STK10: variants seen among roughly 807,000 people sequenced by gnomAD.
STK10 encodes serine/threonine-protein kinase 10.
A neutral mutation model predicts 113.8 loss-of-function variants in STK10; 78 were observed. The observed-to-expected ratio is 0.69, with a 90% confidence interval of 0.57 to 0.83. The LOEUF (loss-of-function observed/expected upper bound fraction) is 0.83. STK10 is among the 40% of genes least tolerant of loss of function. STK10 has a pLI of 0.00. For synonymous variants in STK10, 465 were observed against 494.7 expected (o/e 0.94, Z 0.80); for missense variants, 1,109 against 1,280.1 (o/e 0.87, Z 2.04).
chr5:172,168,818 G>A (rs995069407), intron 1 of STK10, among the ~76,000 whole-genome samples: 16 of 151,972 alleles, frequency 1.1e-4, no homozygotes, highest in Admixed American at 9.2e-4. Context: ...TCATGCCAGG[G>A]GTCTCCCGCC....
chr5:172,157,072 A>C (rs181630811), intron 1 of STK10, among the ~76,000 whole-genome samples: 5 of 152,248 alleles, frequency 3.3e-5, no homozygotes, highest in African/African-American at 1.2e-4. Flanking sequence ...AAAAACGAAG[A>C]AAAAAACCCA....
intron 2 of STK10, among the ~76,000 whole-genome samples, chr5:172,140,712 A>G (rs1769955425): frequency 6.6e-6 from 1 of 152,078 alleles, no homozygotes; most frequent in African/African-American, 2.4e-5. Flanking sequence ...TAAATAAATA[A>G]ATAATAAAAA....
chr5:172,092,512 G>C (rs1242695740), intron 9 of STK10: 1 of 152,180 alleles, frequency 6.6e-6, no homozygotes, highest in African/African-American at 2.4e-5. Context: ...CAGCTGCTGT[G>C]CATGCTTGTC....
rs113849705 is a variant in STK10, at chr5:172,174,493, C to T, written c.156+13394G>A. On this transcript the variant is annotated intron_variant, in intron 1 of 18. Coordinates refer to ENST00000176763, the MANE Select transcript of STK10 (RefSeq NM_005990.4). ...ACGCCTGCAGCTCAGCAGTTATGAA[C>T]TGAACATCTACCCTCCGCGGGCCCT... Among the ~76,000 whole-genome samples the T allele has an allele frequency of 3.3e-3, 504 of 152,232 alleles. 5 individuals are homozygous for T. The highest frequency in any genetic ancestry group is 0.02 in the Middle Eastern group (6 of 294).
At chr5:172,079,453 G>C (rs1768381791) in intron 12 of STK10, among the ~76,000 whole-genome samples, 1 of 152,082 alleles carries the variant, frequency 6.6e-6, no homozygotes, top group Non-Finnish European at 1.5e-5. Flanking sequence ...TAGCATGTTG[G>C]CAACTGTTTT....
chr5:172,049,896 G>A (rs1000282134), intron 18 of STK10, among the ~76,000 whole-genome samples: 8 of 152,168 alleles, frequency 5.3e-5, no homozygotes, highest in East Asian at 1.9e-4. Context: ...TCTGCCCGCC[G>A]GGTTCAAGTG....
intron 12 of STK10, among the ~76,000 whole-genome samples, chr5:172,079,091 A>G (rs571237994): frequency 6.6e-6 from 1 of 152,332 alleles, no homozygotes; most frequent in African/African-American, 2.4e-5. Context: ...ATTTAATGCT[A>G]AAACATCTAT....
chr5:172,134,299 G>T (rs887237411), intron 2 of STK10, among the ~76,000 whole-genome samples: 2 of 152,164 alleles, frequency 1.3e-5, no homozygotes, highest in Non-Finnish European at 1.5e-5. Flanking sequence ...TTGGTAGGAT[G>T]TATGATCATC....
At chr5:172,112,716 G>A (rs898808105) in intron 4 of STK10, among the ~76,000 whole-genome samples, 2 of 150,088 alleles carry the variant, frequency 1.3e-5, no homozygotes, top group African/African-American at 4.9e-5. Flanking sequence ...ACTGCACCCG[G>A]CCAGGACCCT....
chr5:172,046,099 C>T (rs1767488138), intron 18 of STK10, among the ~76,000 whole-genome samples: 1 of 151,558 alleles, frequency 6.6e-6, no homozygotes, highest in African/African-American at 2.4e-5. Context: ...GTGTCTCAGC[C>T]TTGTAATCCC....
intron 1 of STK10, among the ~76,000 whole-genome samples, chr5:172,175,285 G>GA (rs1335265898): frequency 6.6e-6 from 1 of 152,104 alleles, no homozygotes; most frequent in Non-Finnish European, 1.5e-5. Flanking sequence ...CTGTTAGTAT[G>GA]AAAAAATCGG....
intron 4 of STK10, among the ~76,000 whole-genome samples, chr5:172,117,082 C>T (rs546314072): frequency 6.6e-6 from 1 of 151,898 alleles, no homozygotes; most frequent in Admixed American, 6.6e-5. Flanking sequence ...AGTTCGAGAC[C>T]AGCTTGGCCA....
intron 1 of STK10, among the ~76,000 whole-genome samples, chr5:172,172,553 A>G (rs1740130331): frequency 6.6e-6 from 1 of 152,198 alleles, no homozygotes; most frequent in Admixed American, 6.5e-5. Flanking sequence ...TCCCACTGTG[A>G]GAGGCACTAT....
chr5:172,068,236 G>A (rs1768110436), intron 12 of STK10, among the ~76,000 whole-genome samples: 1 of 152,078 alleles, frequency 6.6e-6, no homozygotes, highest in Admixed American at 6.6e-5. Context: ...AGCTACTCAG[G>A]AGGCTGAAGC....
At chr5:172,102,850 C>G (rs1769020029) in intron 7 of STK10, among the ~76,000 whole-genome samples, 2 of 147,804 alleles carry the variant, frequency 1.4e-5, no homozygotes, top group African/African-American at 5.0e-5. Flanking sequence ...TCACACAATC[C>G]TGTGCAGCCA....
At chr5:172,173,726 G>A (rs1252330964) in intron 1 of STK10, among the ~76,000 whole-genome samples, 3 of 152,192 alleles carry the variant, frequency 2.0e-5, no homozygotes, top group African/African-American at 7.2e-5. Flanking sequence ...AGGCAAGGGA[G>A]GAGTTCAGGG....
chr5:172,163,781 C>T (rs1770513348), intron 1 of STK10, among the ~76,000 whole-genome samples: 1 of 152,196 alleles, frequency 6.6e-6, no homozygotes, highest in Admixed American at 6.5e-5. Context: ...CATAATTCAC[C>T]CTTCCCCGAT....
chr5:172,164,567 A>T (rs1192048302), intron 1 of STK10, among the ~76,000 whole-genome samples: 1 of 152,222 alleles, frequency 6.6e-6, no homozygotes, highest in East Asian at 1.9e-4. Context: ...ATGTGGGTTC[A>T]AATTCCATGT....
intron 1 of STK10, among the ~76,000 whole-genome samples, chr5:172,159,185 T>C (rs1252519735): frequency 6.6e-6 from 1 of 152,148 alleles, no homozygotes; most frequent in Non-Finnish European, 1.5e-5. Context: ...TGCGAGGACG[T>C]TGGTGGGGAA....
Sources: gnomAD v4.1 joint callset for allele counts (sites outside exome capture counted in the v4.1 genomes callset) on GRCh38, gnomAD v4.1.1 for gene constraint, MANE v1.5 for transcripts, NCBI Gene and HGNC (gene_info 2026-07-23, HGNC 2026-07-21) for gene names.